The following CBLN2 variants were observed in gnomAD, a reference collection of about 807,000 sequenced individuals.
The protein encoded by CBLN2 is cerebellin-2.
In CBLN2, 7 loss-of-function variants were observed where a neutral mutation model predicts 15.0. The observed-to-expected ratio is 0.47, with a 90% CI of 0.27 to 0.88. The LOEUF (loss-of-function observed/expected upper bound fraction) is 0.88, where lower values mean the gene tolerates loss of function less well. Ranked by LOEUF, CBLN2 falls within the 40% of genes least tolerant of loss-of-function variation. The pLI is 0.14. For missense variants in CBLN2, 242 were observed against 304.5 expected (o/e 0.79, Z 1.53); for synonymous variants, 149 against 135.2 (o/e 1.10, Z -0.71).
At chr18:72,602,997 C>G (rs536285380) in intron 1 of CBLN2, among the ~76,000 whole-genome samples, 5 of 152,328 alleles carry the variant, frequency 3.3e-5, no homozygotes, top group Admixed American at 6.5e-5. Context: ...ACTAGCGGGA[C>G]AGGTTGCCTA....
intron 1 of CBLN2, among the ~76,000 whole-genome samples, chr18:72,614,547 T>C (rs535763745): frequency 2.6e-5 from 4 of 152,180 alleles, no homozygotes; most frequent in African/African-American, 9.6e-5. Flanking sequence ...GGTTTGAGAA[T>C]TGCAGGTGTG....
In CBLN2 at chr18:72,542,299, C is replaced by T; in HGVS notation, c.-139G>A. On this transcript the variant is annotated 5_prime_UTR_variant, in exon 3 of 5. Coordinates refer to ENST00000269503, the MANE Select transcript of CBLN2 (RefSeq NM_182511.4). ...CGGCTCTGACGTTCAAGGCCAGGGT[C>T]GTTCTCAGAAGAAAGGCGCCTGTGA... 4.6e-6 allele frequency: 2 copies of T among 438,972 alleles called. No individual in the cohort carries two copies. The highest frequency in any genetic ancestry group is 6.8e-6 in the Non-Finnish European group (2 of 295,676). The allele number at this position is 438,972 out of a possible 1,614,324, so 27.2% of individuals were successfully genotyped here.
At chr18:72,582,252 T>C (rs1378299772) in intron 1 of CBLN2, among the ~76,000 whole-genome samples, 3 of 152,226 alleles carry the variant, frequency 2.0e-5, no homozygotes, top group Non-Finnish European at 4.4e-5. Flanking sequence ...TTGCCAAGTT[T>C]CATATAAAAT....
At chr18:72,553,214 A>G (rs546009926) in intron 1 of CBLN2, among the ~76,000 whole-genome samples, 3 of 152,238 alleles carry the variant, frequency 2.0e-5, no homozygotes, top group Non-Finnish European at 2.9e-5. Flanking sequence ...CGTGTTCACA[A>G]ACAAAACACT....
At chr18:72,619,649 A>G (rs539810241) in intron 1 of CBLN2, among the ~76,000 whole-genome samples, 1 of 152,192 alleles carries the variant, frequency 6.6e-6, no homozygotes, top group African/African-American at 2.4e-5. Context: ...GGTTTGTACG[A>G]TTGTTTTTTG....
chr18:72,576,631 T>C (rs926515996), intron 1 of CBLN2, among the ~76,000 whole-genome samples: 4 of 152,128 alleles, frequency 2.6e-5, no homozygotes, highest in African/African-American at 9.7e-5. Flanking sequence ...ACAATACCAG[T>C]CAGTTCAGTT....
chr18:72,557,451 T>A (rs2069233609), intron 1 of CBLN2, among the ~76,000 whole-genome samples: 1 of 152,206 alleles, frequency 6.6e-6, no homozygotes, highest in Non-Finnish European at 1.5e-5. Flanking sequence ...TCTGAGGAAT[T>A]GCCACACCAT....
chr18:72,628,899 A>G (rs1364996326), intron 1 of CBLN2, among the ~76,000 whole-genome samples: 2 of 152,076 alleles, frequency 1.3e-5, no homozygotes, highest in Non-Finnish European at 2.9e-5. Context: ...CCATATTCTC[A>G]TTATTTCCCC....
intron 1 of CBLN2, among the ~76,000 whole-genome samples, chr18:72,579,466 A>G (rs575984859): frequency 1.2e-4 from 18 of 152,218 alleles, no homozygotes; most frequent in Admixed American, 3.3e-4. Context: ...AACTAGTAAT[A>G]CCACGCCTGT....
At chr18:72,626,743 C>T (rs1415918904) in intron 1 of CBLN2, among the ~76,000 whole-genome samples, 1 of 151,984 alleles carries the variant, frequency 6.6e-6, no homozygotes, top group African/African-American at 2.4e-5. Flanking sequence ...AGTTCATGAT[C>T]CAGAAGGAGC....
intron 1 of CBLN2, among the ~76,000 whole-genome samples, chr18:72,602,751 C>T (rs1430885513): frequency 6.6e-6 from 1 of 152,200 alleles, no homozygotes; most frequent in African/African-American, 2.4e-5. Context: ...GTCCTGGAGA[C>T]AGCAGCTTCA....
chr18:72,636,993 T>C (rs1023184467), intron 1 of CBLN2, among the ~76,000 whole-genome samples: 1 of 150,568 alleles, frequency 6.6e-6, no homozygotes, highest in African/African-American at 2.5e-5. Context: ...TTATCCCATT[T>C]AGGCAAGTAA....
At chr18:72,552,125 T>C (rs1442944677) in intron 1 of CBLN2, among the ~76,000 whole-genome samples, 1 of 151,946 alleles carries the variant, frequency 6.6e-6, no homozygotes, top group Non-Finnish European at 1.5e-5. Context: ...AGACAGACTT[T>C]CGCTCTTTTT....
chr18:72,631,246 G>T (rs73463427), intron 1 of CBLN2, among the ~76,000 whole-genome samples: 1 of 152,052 alleles, frequency 6.6e-6, no homozygotes, highest in Admixed American at 6.6e-5. Context: ...CAACTCAGGT[G>T]CTATTTATGG....
intron 1 of CBLN2, among the ~76,000 whole-genome samples, chr18:72,613,262 T>A (rs1440770400): frequency 6.6e-6 from 1 of 152,150 alleles, no homozygotes; most frequent in African/African-American, 2.4e-5. Context: ...GGGGGGCAAA[T>A]AATAACCTTC....
At chr18:72,602,509 G>A (rs1382919671) in intron 1 of CBLN2, among the ~76,000 whole-genome samples, 2 of 152,038 alleles carry the variant, frequency 1.3e-5, no homozygotes, top group African/African-American at 4.8e-5. Context: ...ACCCCTGCAT[G>A]AAAACACGCT....
At chr18:72,560,312 A>G (rs658467) in intron 1 of CBLN2, among the ~76,000 whole-genome samples, 3 of 152,134 alleles carry the variant, frequency 2.0e-5, no homozygotes, top group Non-Finnish European at 4.4e-5. Context: ...AATAAGGTGC[A>G]TGAGTGATCA....
intron 1 of CBLN2, among the ~76,000 whole-genome samples, chr18:72,593,709 TA>T (rs1249513101): frequency 1.3e-5 from 2 of 152,362 alleles, no homozygotes; most frequent in East Asian, 3.9e-4. Flanking sequence ...TGAGCATTTT[TA>T]TTATGAAGGC....
At chr18:72,547,110 TCA>T (rs36204454), upstream of CBLN2, among the ~76,000 whole-genome samples, 3,690 of 148,652 alleles carry the variant, frequency 0.025, 133 homozygotes, top group South Asian at 0.1. Context: ...AAAGAAAGTG[TCA>T]CACACACACA....
Sources: gnomAD v4.1 joint callset for allele counts (sites outside exome capture counted in the v4.1 genomes callset) on GRCh38, gnomAD v4.1.1 for gene constraint, MANE v1.5 for transcripts, NCBI Gene and HGNC (gene_info 2026-07-23, HGNC 2026-07-21) for gene names.